The following RIMS2 variants were observed in gnomAD, a reference collection of about 807,000 sequenced individuals.
The protein encoded by RIMS2 is regulating synaptic membrane exocytosis protein 2.
In RIMS2, 59 loss-of-function variants were observed where a neutral mutation model predicts 174.4. The ratio of observed to expected loss-of-function variants is 0.34; its 90% CI spans 0.27 to 0.42. The LOEUF (loss-of-function observed/expected upper bound fraction) is 0.42, where lower values mean the gene tolerates loss of function less well. RIMS2 is among the 10% of genes least tolerant of loss of function. The probability of loss-of-function intolerance (pLI) is 1.00; values close to 1 mark genes in which losing one functional copy is unlikely to be tolerated. For synonymous variants in RIMS2, 606 were observed against 572.5 expected, an observed-to-expected ratio of 1.06 and a Z score of -0.84; for missense variants, 1,620 against 1,666.3, an observed-to-expected ratio of 0.97 and a Z score of 0.48.
At chr8:103,507,152 A>G (rs919938099) in intron 1 of RIMS2, among the ~76,000 whole-genome samples, 1 of 152,052 alleles carries the variant, frequency 6.6e-6, no homozygotes, top group Non-Finnish European at 1.5e-5. Context: ...CCTCAAATAC[A>G]CTTAAGCTTT....
At chr8:103,825,179 T>C (rs1364177262) in intron 3 of RIMS2, among the ~76,000 whole-genome samples, 1 of 152,208 alleles carries the variant, frequency 6.6e-6, no homozygotes, top group African/African-American at 2.4e-5. Context: ...CCCCACCTAG[T>C]GTAGATTAGT....
chr8:103,914,925 T>C (rs993577395), intron 6 of RIMS2, among the ~76,000 whole-genome samples: 23 of 152,132 alleles, frequency 1.5e-4, no homozygotes, highest in Non-Finnish European at 3.2e-4. Context: ...AAGTTATATT[T>C]TAATAGAAAC....
chr8:104,135,263 C>G (rs759606043), intron 19 of RIMS2, among the ~76,000 whole-genome samples: 7 of 151,978 alleles, frequency 4.6e-5, no homozygotes, highest in African/African-American at 1.7e-4. Flanking sequence ...TGATAGTGAA[C>G]TATAGTGGAG....
intron 19 of RIMS2, among the ~76,000 whole-genome samples, chr8:104,064,261 G>A (rs944288116): frequency 2.0e-5 from 3 of 152,116 alleles, no homozygotes; most frequent in Non-Finnish European, 4.4e-5. Context: ...TACAGAATAT[G>A]TGATATGATT....
intron 19 of RIMS2, among the ~76,000 whole-genome samples, chr8:104,179,298 T>C (rs1001779728): frequency 5.3e-5 from 8 of 152,114 alleles, no homozygotes; most frequent in African/African-American, 1.9e-4. Flanking sequence ...AGCAACTGCA[T>C]GAAATATCAG....
chr8:103,510,544 C>G (rs1292039267), intron 1 of RIMS2, among the ~76,000 whole-genome samples: 1 of 152,020 alleles, frequency 6.6e-6, no homozygotes, highest in African/African-American at 2.4e-5. Context: ...GTTATAGGAC[C>G]GAGATTCTTG....
At position 103,615,640 on chromosome 8, in the gene RIMS2, A is replaced by G. The variant is rs576371771; in HGVS notation, c.177-81446A>G. On this transcript the variant is annotated intron_variant, in intron 1 of 23. Transcript: ENST00000504942. ...AAATAGGCCACTAGCTAGACTAATA[A>G]GAAAAGAGAGAACATCCAAATAAAC... 4.6e-5 allele frequency among the ~76,000 whole-genome samples: 7 copies of G among 152,208 alleles called. No homozygotes were observed. In the South Asian group the frequency reaches 1.4e-3, roughly 32 times the overall value.
At chr8:103,927,740 G>T in intron 10 of RIMS2, 1 of 738,328 alleles carries the variant, frequency 1.4e-6, no homozygotes, top group South Asian at 1.6e-5. Flanking sequence ...TGTATTTAAG[G>T]GATAGTTGTA....
chr8:104,163,630 AGGATATGCTT>A (rs2098778385), intron 19 of RIMS2, among the ~76,000 whole-genome samples: 1 of 152,188 alleles, frequency 6.6e-6, no homozygotes, highest in Admixed American at 6.5e-5. Context: ...AATGTAACCT[AGGATATGCTT>A]GGGACTGATA....
At chr8:103,836,148 G>T (rs561160709) in intron 3 of RIMS2, among the ~76,000 whole-genome samples, 20 of 152,300 alleles carry the variant, frequency 1.3e-4, no homozygotes, top group African/African-American at 4.8e-4. Context: ...GGTTAAAGAT[G>T]AAATTAATTG....
chr8:103,955,288 A>T (rs188520691), intron 14 of RIMS2, among the ~76,000 whole-genome samples: 39 of 152,164 alleles, frequency 2.6e-4, no homozygotes, highest in Non-Finnish European at 4.8e-4. Flanking sequence ...CCTGGCAGAG[A>T]CACAACAAAA....
chr8:103,953,924 GA>G (rs2086259427), intron 14 of RIMS2, among the ~76,000 whole-genome samples: 1 of 151,228 alleles, frequency 6.6e-6, no homozygotes, highest in South Asian at 2.1e-4. Context: ...CAAGCAGATG[GA>G]AAGCAAAAAA....
At chr8:104,182,316 A>G (rs1476550854) in intron 19 of RIMS2, among the ~76,000 whole-genome samples, 3 of 151,830 alleles carry the variant, frequency 2.0e-5, no homozygotes, top group Admixed American at 6.6e-5. Context: ...AATTTAATTA[A>G]CATTGTACTT....
chr8:104,165,891 T>G (rs2098793827), intron 19 of RIMS2, among the ~76,000 whole-genome samples: 1 of 152,106 alleles, frequency 6.6e-6, no homozygotes, highest in Admixed American at 6.5e-5. Flanking sequence ...GCAGGCACTA[T>G]GGAAAATTTA....
chr8:103,702,852 GTTTT>G (rs59947900), intron 2 of RIMS2, among the ~76,000 whole-genome samples: 1 of 117,244 alleles, frequency 8.5e-6, no homozygotes, highest in Admixed American at 8.6e-5. Context: ...TCCTCCAGCT[GTTTT>G]TTTTTTTTTT....
At chr8:103,789,579 A>G (rs901093014) in intron 3 of RIMS2, among the ~76,000 whole-genome samples, 28 of 152,086 alleles carry the variant, frequency 1.8e-4, no homozygotes, top group African/African-American at 6.5e-4. Flanking sequence ...AAGGGGAGGG[A>G]TGATGACCAG....
At chr8:103,895,962 G>A (rs927797583) in intron 4 of RIMS2, among the ~76,000 whole-genome samples, 5 of 151,524 alleles carry the variant, frequency 3.3e-5, no homozygotes, top group African/African-American at 1.2e-4. Flanking sequence ...TAATGTTTGT[G>A]TGGTATACAG....
At chr8:104,102,179 C>T (rs545488234) in intron 19 of RIMS2, among the ~76,000 whole-genome samples, 27 of 152,274 alleles carry the variant, frequency 1.8e-4, no homozygotes, top group African/African-American at 6.0e-4. Context: ...TCCTGTATGT[C>T]CCAGGGGCAT....
At chr8:103,785,462 G>C (rs982052940) in intron 3 of RIMS2, among the ~76,000 whole-genome samples, 4 of 152,006 alleles carry the variant, frequency 2.6e-5, no homozygotes, top group Non-Finnish European at 4.4e-5. Context: ...CTAATTTATT[G>C]AGAGTTTTTA....
Sources: gnomAD v4.1 joint callset for allele counts (sites outside exome capture counted in the v4.1 genomes callset) on GRCh38, gnomAD v4.1.1 for gene constraint, MANE v1.5 for transcripts, NCBI Gene and HGNC (gene_info 2026-07-23, HGNC 2026-07-21) for gene names.